FOXP4: variants seen among roughly 807,000 people sequenced by gnomAD.
FOXP4 encodes the protein forkhead box protein P4.
In FOXP4, 25 loss-of-function variants were observed where a neutral mutation model predicts 82.6. The ratio of observed to expected loss-of-function variants is 0.30; its 90% CI spans 0.22 to 0.42. The LOEUF is 0.42. FOXP4 is among the 10% of genes least tolerant of loss of function. FOXP4 has a pLI of 1.00. For missense variants in FOXP4, 785 were observed against 900.9 expected, an observed-to-expected ratio of 0.87 and a Z score of 1.65; for synonymous variants, 415 against 388.2, an observed-to-expected ratio of 1.07 and a Z score of -0.81.
At chr6:41,570,124 A>ACACACACACACACACACACACACAC (rs1554173126) in intron 2 of FOXP4, 2 of 342,318 alleles carry the variant, frequency 5.8e-6, no homozygotes, top group African/African-American at 2.2e-5. Context: ...ACACGCAGTC[A>ACACACACACACACACACACACACAC]ACAGTTGTCT....
At chr6:41,580,514 G>A (rs1765737746) in intron 3 of FOXP4, among the ~76,000 whole-genome samples, 1 of 152,222 alleles carries the variant, frequency 6.6e-6, no homozygotes, top group Non-Finnish European at 1.5e-5. Flanking sequence ...GGGGGTTCTT[G>A]GGGCCATGGA....
At chr6:41,563,997 A>T (rs528257852) in intron 1 of FOXP4, among the ~76,000 whole-genome samples, 3 of 152,214 alleles carry the variant, frequency 2.0e-5, no homozygotes, top group Non-Finnish European at 4.4e-5. Flanking sequence ...TACCACAGAC[A>T]AGGAATCTGA....
chr6:41,554,056 A>G (rs191746759), intron 1 of FOXP4, among the ~76,000 whole-genome samples: 50 of 152,288 alleles, frequency 3.3e-4, no homozygotes, highest in African/African-American at 1.2e-3. Context: ...TGACTGAGGA[A>G]CTGTGCTTTG....
intron 4 of FOXP4, 117 bp from the exon 5 acceptor site, chr6:41,585,314 C>A: frequency 9.3e-7 from 1 of 1,070,914 alleles, no homozygotes; most frequent in African/African-American, 1.6e-5. Flanking sequence ...CTGGGGAAAG[C>A]CAGACCATGT....
In FOXP4 at chr6:41,579,679, A is replaced by G. The variant is rs570322511; in HGVS notation, c.300+1598A>G. The stretch of plus-strand genomic sequence containing the variant: ...TAGGAAACTCCCTCCCTCCAAAATA[A>G]GAGAGGCCTAGAGGTTTCAGAGTCA... On this transcript the variant is annotated intron_variant, in intron 3 of 16. Coordinates refer to ENST00000307972, the MANE Select transcript of FOXP4 (RefSeq NM_001012426.2). Among the ~76,000 whole-genome samples, 9 of 152,354 alleles carry G rather than the reference A, an allele frequency of 5.9e-5. No homozygotes were observed. The South Asian group carries it at 1.9e-3, about 32-fold the overall frequency.
rs1766487590 is a variant in FOXP4, at chr6:41,591,082, T to C, written c.1435-139T>C. 2 of 694,002 alleles carry C rather than the reference T, an allele frequency of 2.9e-6. No homozygotes were observed. The highest frequency in any genetic ancestry group is 5.0e-6 in the Non-Finnish European group (2 of 396,612). The allele number at this position is 694,002 out of a possible 1,614,324, so 43.0% of individuals were successfully genotyped here. On this transcript the variant is annotated intron_variant, in intron 12 of 16. Transcript: ENST00000307972. The surrounding 1 kb of genome is among the most constrained non-coding windows in gnomAD (Gnocchi z 4.2). ...CCACCAGCCACCACCCATCTTGTTA[T>C]CCACACATTTCTGAGCAGGTCTTCT...
chr6:41,583,000 A>G (rs1398502281), intron 3 of FOXP4, among the ~76,000 whole-genome samples: 1 of 152,160 alleles, frequency 6.6e-6, no homozygotes, highest in Non-Finnish European at 1.5e-5. Context: ...TGGTCTCCTC[A>G]TTGGTAAAAA....
At chr6:41,566,339 C>T (rs1484907870) in intron 2 of FOXP4, among the ~76,000 whole-genome samples, 1 of 152,330 alleles carries the variant, frequency 6.6e-6, no homozygotes, top group East Asian at 1.9e-4. Context: ...GCTAAATGAA[C>T]AGGGTTAAGA....
chr6:41,563,423 C>G (rs1457371264), intron 1 of FOXP4, among the ~76,000 whole-genome samples: 2 of 152,204 alleles, frequency 1.3e-5, no homozygotes, highest in African/African-American at 4.8e-5. Flanking sequence ...AGTCCAGTCT[C>G]TTTCCGCAGT....
At chr6:41,594,776 C>T (rs41273788) in intron 13 of FOXP4, 94 bp from the exon 14 acceptor site, 164,254 of 1,553,582 alleles carry the variant, frequency 0.11, 9,534 homozygotes, top group Non-Finnish European at 0.12. Flanking sequence ...GAAGGTGGGC[C>T]GCTGCTGCGT....
intron 2 of FOXP4, among the ~76,000 whole-genome samples, chr6:41,574,946 GTGTTT>G (rs986968158): frequency 6.6e-6 from 1 of 150,578 alleles, no homozygotes; most frequent in Non-Finnish European, 1.5e-5. Flanking sequence ...CTTATCATTC[GTGTTT>G]TGTTTTGTTT....
rs781449571 is a variant in FOXP4 at position 41,587,404 on chromosome 6, C to T, written c.764C>T (p.Thr255Met). The change falls in exon 7 of 17, where the codon ACG (threonine) becomes ATG (methionine). Residue 255 changes from threonine (T) to methionine (M), a missense_variant. This residue lies in a region of FOXP4 where 570 missense variants were observed against 634.0 expected (regional missense o/e 0.90). Coordinates refer to ENST00000307972, the MANE Select transcript of FOXP4 (RefSeq NM_001012426.2). ...VKQEGLDLTG[T>M]AATATSFAAP... is the part of the protein sequence containing the mutation. ...CAGGAGGGGCTGGACCTCACTGGCA[C>T]GGCCGCCACCGCTACCTCGTTTGCC... The T allele has an allele frequency of 5.7e-6, 9 of 1,589,240 alleles. No individual in the cohort carries two copies. Among genetic ancestry groups the T allele is most frequent in the East Asian group, 2.2e-5 (1 of 44,734 alleles).
In FOXP4 at chr6:41,592,346, A is replaced by T. The variant is rs143414747; in HGVS notation, c.1536+1024A>T. Among the ~76,000 whole-genome samples the T allele has an allele frequency of 9.2e-5, 14 of 152,270 alleles. No homozygotes were observed. In the East Asian group the frequency reaches 2.7e-3, roughly 29 times the overall value. The stretch of plus-strand genomic sequence containing the variant: ...GTGCAGCAGAAGGGACTGCATCATG[A>T]CTTTCATATGCTCATACCCAATTCC... On this transcript the variant is annotated intron_variant, in intron 13 of 16. Coordinates refer to ENST00000307972, the MANE Select transcript of FOXP4 (RefSeq NM_001012426.2).
chr6:41,582,864 T>TAA (rs1476683334), intron 3 of FOXP4, among the ~76,000 whole-genome samples: 2 of 152,144 alleles, frequency 1.3e-5, no homozygotes, highest in African/African-American at 4.8e-5. Flanking sequence ...ATTCTCTCCC[T>TAA]AACCCTTCCC....
At position 41,588,639 on chromosome 6, in the gene FOXP4, T is replaced by C. The variant is rs2127394773; in HGVS notation, c.978-5T>C. On this transcript the variant is annotated splice_region_variant and splice_polypyrimidine_tract_variant and intron_variant, in intron 8 of 16. Coordinates refer to ENST00000307972, the MANE Select transcript of FOXP4 (RefSeq NM_001012426.2). ...ACTTTCTCTCCTCCTCTCTTCCCCT[T>C]GAAGACACCTCAACACAGAGCACGC... The C allele has an allele frequency of 6.2e-7, 1 of 1,614,056 alleles. No individual in the cohort carries two copies. Among genetic ancestry groups the C allele is most frequent in the African/African-American group, 1.3e-5 (1 of 75,032 alleles).
intron 2 of FOXP4, among the ~76,000 whole-genome samples, chr6:41,566,514 A>T (rs982240080): frequency 2.6e-5 from 4 of 152,178 alleles, no homozygotes; most frequent in Non-Finnish European, 5.9e-5. Context: ...TAGGGCTCAA[A>T]CTGGGAATCC....
At chr6:41,578,170 T>C (rs1765595966) in intron 3 of FOXP4, 89 bp downstream of exon 3, 2 of 1,095,090 alleles carry the variant, frequency 1.8e-6, no homozygotes, top group Non-Finnish European at 2.6e-6. Flanking sequence ...GGAGAACTGC[T>C]CTTGCCAGTT....
chr6:41,546,924 A>C (rs1763658061), intron 1 of FOXP4, 57 bp downstream of exon 1: 1 of 150,346 alleles, frequency 6.7e-6, no homozygotes, highest in Non-Finnish European at 1.5e-5. Flanking sequence ...CGACCAGACC[A>C]ACTCCCTCGC....
In FOXP4 at chr6:41,558,684, C is replaced by T. The variant is rs1764410205; in HGVS notation, c.-16-7061C>T. ...CCAGAGGCCCAAAGTGGCCACTGCC[C>T]TGAAGCCCTCCCCTTACCTGGAGCC... On this transcript the variant is annotated intron_variant, in intron 1 of 16. Transcript: ENST00000307972. This position sits in a 1 kb window ranked among gnomAD's most constrained non-coding sequence, Gnocchi z 4.0. Among the ~76,000 whole-genome samples the T allele has an allele frequency of 6.6e-6, 1 of 152,220 alleles. No individual in the cohort carries two copies. The highest frequency in any genetic ancestry group is 1.5e-5 in the Non-Finnish European group (1 of 68,036).
Sources: allele counts gnomAD v4.1 joint callset (sites outside exome capture counted in the v4.1 genomes callset), GRCh38; gene constraint gnomAD v4.1.1; regional missense constraint gnomAD v4.1.1; non-coding constraint Gnocchi (gnomAD v3.1); transcripts MANE v1.5; gene names NCBI Gene and HGNC (gene_info 2026-07-23, HGNC 2026-07-21).